Variants in RNASEH2B observed in about 807,000 individuals in gnomAD.
RNASEH2B encodes the protein ribonuclease H2 subunit B.
A neutral mutation model predicts 45.0 loss-of-function variants in RNASEH2B; 36 were observed. The ratio of observed to expected loss-of-function variants is 0.80; its 90% CI spans 0.61 to 1.06. The LOEUF (loss-of-function observed/expected upper bound fraction) is 1.06, where lower values mean the gene tolerates loss of function less well. Ranked by LOEUF, RNASEH2B falls within the 50% of genes least tolerant of loss-of-function variation. The pLI, the probability that RNASEH2B is intolerant of heterozygous loss-of-function variation, is 0.00. For synonymous variants in RNASEH2B, 119 were observed against 125.7 expected (o/e 0.95, Z 0.35); for missense variants, 361 against 360.3 (o/e 1.00, Z -0.02).
intron 6 of RNASEH2B, 84 bp from the exon 7 acceptor site, chr13:50,945,343 T>C: frequency 1.1e-6 from 1 of 880,926 alleles, no homozygotes; most frequent in East Asian, 2.5e-5. Flanking sequence ...ATCTCTTAAA[T>C]GGTCTGAAGG....
At chr13:50,944,383 AT>A (rs562817992) in intron 6 of RNASEH2B, among the ~76,000 whole-genome samples, 22 of 152,050 alleles carry the variant, frequency 1.4e-4, no homozygotes, top group Non-Finnish European at 2.1e-4. Context: ...GTTCTCTCTC[AT>A]AAGTGGGAGT....
At chr13:50,916,316 A>G (rs1217663771) in intron 1 of RNASEH2B, among the ~76,000 whole-genome samples, 1 of 152,184 alleles carries the variant, frequency 6.6e-6, no homozygotes, top group East Asian at 1.9e-4. Context: ...GGTTACATAA[A>G]AGTTTATATG....
chr13:50,959,152 A>G (rs1593483688), downstream of RNASEH2B, among the ~76,000 whole-genome samples: 1 of 152,194 alleles, frequency 6.6e-6, no homozygotes, highest in South Asian at 2.1e-4. Context: ...ATTGTCTTTT[A>G]TATTCTTTGC....
At chr13:50,956,152 G>A (rs1349922862) in intron 10 of RNASEH2B, 4 of 509,350 alleles carry the variant, frequency 7.9e-6, no homozygotes, top group Admixed American at 3.4e-5. Context: ...CAGCAGTTTT[G>A]TCTTCTGCCT....
At chr13:50,967,990 C>T (rs923052603) in intron 9 of RNASEH2B, among the ~76,000 whole-genome samples, 3 of 152,076 alleles carry the variant, frequency 2.0e-5, no homozygotes, top group African/African-American at 7.2e-5. Flanking sequence ...ATTTTTACAC[C>T]TTGGTATACA....
rs1237180721 is a variant in RNASEH2B at position 50,909,986 on chromosome 13, G to A, written c.-91G>A. 9.3e-6 allele frequency: 11 copies of A among 1,188,292 alleles called. No individual in the cohort carries two copies. Among genetic ancestry groups the A allele is most frequent in the Middle Eastern group, 2.7e-4 (1 of 3,732 alleles). 73.6% of individuals were successfully genotyped at this position (1,188,292 alleles called of 1,614,324 possible). On this transcript the variant is annotated 5_prime_UTR_variant, in exon 1 of 11. Coordinates refer to ENST00000336617, the MANE Select transcript of RNASEH2B (RefSeq NM_024570.4). ...GGTCCCTCAGCGCGCCGCGCCACCCGGAACAGACCCTTCTCCCGCCATTTT... is the reference window on the plus strand; with the variant it reads ...GGTCCCTCAGCGCGCCGCGCCACCCAGAACAGACCCTTCTCCCGCCATTTT...
Position 50,956,449 on chromosome 13 carries a change from A to AT in RNASEH2B, c.915dup (p.Lys306Ter). On this transcript the variant is annotated frameshift_variant, in exon 11 of 11. Transcript: ENST00000336617. LOFTEE classifies it high-confidence loss of function. Reference sequence around the variant, plus strand: ...ATTGATACCTTTTTTGGGGTAAAAAATAAAAAAAAAATTGGAAAGGTTTGA... The same window carrying AT: ...ATTGATACCTTTTTTGGGGTAAAAAATTAAAAAAAAAATTGGAAAGGTTTGA... The AT allele has an allele frequency of 6.3e-7, 1 of 1,596,448 alleles. No homozygotes were observed. The highest frequency in any genetic ancestry group is 8.6e-7 in the Non-Finnish European group (1 of 1,168,562).
chr13:50,950,729 A>C (rs983075548), intron 9 of RNASEH2B: 1 of 152,236 alleles, frequency 6.6e-6, no homozygotes, highest in African/African-American at 2.4e-5. Context: ...GAGATCATTC[A>C]TGAATTGATC....
chr13:50,930,637 T>G, intron 3 of RNASEH2B, 46 bp from the exon 4 acceptor site: 1 of 1,358,040 alleles, frequency 7.4e-7, no homozygotes, highest in Non-Finnish European at 1.1e-6. Context: ...AGCCACATTG[T>G]CTTTCCAAGA....
At chr13:50,934,194 C>G (rs191211887) in intron 4 of RNASEH2B, 1 of 152,782 alleles carries the variant, frequency 6.5e-6, no homozygotes, top group African/African-American at 2.4e-5. Context: ...TTACGAAAAA[C>G]TAGACCTAAT....
intron 9 of RNASEH2B, among the ~76,000 whole-genome samples, chr13:50,968,486 G>A (rs970689490): frequency 6.6e-6 from 1 of 152,112 alleles, no homozygotes; most frequent in African/African-American, 2.4e-5. Flanking sequence ...TTTATTGATG[G>A]TCTGTGTGAG....
chr13:50,938,315 C>G (rs1951784845), intron 5 of RNASEH2B: 2 of 151,958 alleles, frequency 1.3e-5, no homozygotes. Flanking sequence ...GATTGGAAGA[C>G]TCAATATTTT....
chr13:50,934,471 G>A (rs926443334), intron 4 of RNASEH2B: 5 of 235,106 alleles, frequency 2.1e-5, no homozygotes, highest in Non-Finnish European at 4.3e-5. Flanking sequence ...GCAGATGTAT[G>A]TCTGGGCCTG....
intron 1 of RNASEH2B, among the ~76,000 whole-genome samples, chr13:50,919,492 A>T (rs1037463710): frequency 3.4e-4 from 51 of 152,158 alleles, no homozygotes; most frequent in African/African-American, 1.2e-3. Flanking sequence ...TGTGTGGTCT[A>T]CTGGCTGGAT....
At chr13:50,969,268 T>C (rs1952194787) in intron 9 of RNASEH2B, among the ~76,000 whole-genome samples, 1 of 152,128 alleles carries the variant, frequency 6.6e-6, no homozygotes, top group Non-Finnish European at 1.5e-5. Context: ...TGCTTCCTTC[T>C]CATCCACATT....
chr13:50,935,976 T>C (rs1009026307), intron 5 of RNASEH2B: 1 of 151,830 alleles, frequency 6.6e-6, no homozygotes, highest in Non-Finnish European at 1.5e-5. Context: ...AAAGTAGCCA[T>C]TTAGAGATGG....
intron 1 of RNASEH2B, among the ~76,000 whole-genome samples, chr13:50,922,689 G>A (rs1951540884): frequency 6.6e-6 from 1 of 152,172 alleles, no homozygotes; most frequent in African/African-American, 2.4e-5. Context: ...AGTTGGGAGA[G>A]GAGAGTCTGA....
intron 9 of RNASEH2B, among the ~76,000 whole-genome samples, chr13:50,964,945 C>A (rs1448470011): frequency 6.6e-6 from 1 of 152,154 alleles, no homozygotes; most frequent in African/African-American, 2.4e-5. Flanking sequence ...CCCCTACCCC[C>A]ACCCAGCTCC....
intron 4 of RNASEH2B, among the ~76,000 whole-genome samples, chr13:50,931,955 T>TACAC (rs60335654): frequency 0.26 from 38,540 of 148,884 alleles, 4,961 homozygotes; most frequent in Admixed American, 0.32. Context: ...CATCTCATTT[T>TACAC]ACACACACAC....
Sources: gnomAD v4.1 joint callset for allele counts (sites outside exome capture counted in the v4.1 genomes callset) on GRCh38, gnomAD v4.1.1 for gene constraint, MANE v1.5 for transcripts, NCBI Gene and HGNC (gene_info 2026-07-23, HGNC 2026-07-21) for gene names.